The following MGAM variants were observed in gnomAD, a reference collection of about 807,000 sequenced individuals.
MGAM encodes alpha-1,4-glucosidase.
MGAM carries 253 observed loss-of-function variants against 358.8 expected under a neutral mutation model. That is an observed-to-expected ratio of 0.71 (90% CI 0.64 to 0.78). The LOEUF (loss-of-function observed/expected upper bound fraction) is 0.78, where lower values mean the gene tolerates loss of function less well. Ranked by LOEUF, MGAM falls within the 30% of genes least tolerant of loss-of-function variation. The probability of loss-of-function intolerance (pLI) is 0.00; values close to 1 mark genes in which losing one functional copy is unlikely to be tolerated. For synonymous variants in MGAM, 1,105 were observed against 1,227.1 expected (o/e 0.90, Z 2.08); for missense variants, 3,080 against 3,432.6 (o/e 0.90, Z 2.57).
At position 142,080,919 on chromosome 7, in the gene MGAM, T is replaced by C; in HGVS notation, c.5976T>C (p.Ile1992=). The C allele has an allele frequency of 6.4e-7, 1 of 1,555,980 alleles. No individual in the cohort carries two copies. The highest frequency in any genetic ancestry group is 2.3e-5 in the East Asian group (1 of 43,912). ...AGAAGAATCCATTTGGGATTGAAAT[T>C]CGCCGGAAGAGTACAGGCACTATAA... ...LIKKNPFGIE[I]RRKSTGTIIW... The change falls in exon 50 of 71, where the codon ATT becomes ATC. Residue 1992 remains isoleucine (I), a synonymous_variant. Coordinates refer to ENST00000475668, the MANE Select transcript of MGAM (RefSeq NM_001365693.1).
chr7:142,082,463 A>G lies in MGAM; in HGVS notation c.6172-12A>G. On this transcript the variant is annotated splice_polypyrimidine_tract_variant and intron_variant, in intron 51 of 70. Transcript: ENST00000475668. ...TTTTAAACTCCTACTGCTTCTCCCC[A>G]TGACTCTCCAGTACAAGAAGAATTC... is the stretch of plus-strand genomic sequence containing the variant. 6.7e-7 allele frequency: 1 copy of G among 1,497,082 alleles called. No homozygotes were observed. The highest frequency in any genetic ancestry group is 9.2e-7 in the Non-Finnish European group (1 of 1,092,174). 92.7% of individuals were successfully genotyped at this position (1,497,082 alleles called of 1,614,324 possible).
chr7:142,044,156 C>T lies in MGAM; in HGVS notation c.2498+3310C>T, dbSNP rs1373844599. 4.3e-5 allele frequency among the ~76,000 whole-genome samples: 6 copies of T among 140,550 alleles called. 2 individuals carry two copies. Among genetic ancestry groups the T allele is most frequent in the Admixed American group, 1.5e-4 (2 of 13,326 alleles). 92.2% of individuals were successfully genotyped at this position (140,550 alleles called of 152,430 possible). On this transcript the variant is annotated intron_variant, in intron 21 of 70. Coordinates refer to ENST00000475668, the MANE Select transcript of MGAM (RefSeq NM_001365693.1). ...ATATGTACATTATATACACATACGA[C>T]GTATAATATATACATTATATACACA... is the stretch of plus-strand genomic sequence containing the variant.
chr7:142,045,692 T>C (rs1810210551), intron 21 of MGAM, among the ~76,000 whole-genome samples: 1 of 102,250 alleles, frequency 9.8e-6, no homozygotes, highest in African/African-American at 3.8e-5. Context: ...ATTATATACA[T>C]ACAATATATG....
chr7:142,083,338 T>C lies in MGAM; in HGVS notation c.6306T>C (p.Arg2102=), dbSNP rs767580161. The C allele has an allele frequency of 4.5e-5, 70 of 1,554,340 alleles. 8 individuals carry two copies. Among genetic ancestry groups the C allele is most frequent in the African/African-American group, 2.3e-4 (17 of 74,504 alleles). The change falls in exon 53 of 71, where the codon CGT becomes CGC. Residue 2102 remains arginine, a synonymous_variant. Coordinates refer to ENST00000475668, the MANE Select transcript of MGAM (RefSeq NM_001365693.1). ...AGCCCCTGCCTGCCTTGACATACCG[T>C]ACCACAGGGGGAGTTCTGGACTTTT... The part of the protein sequence containing the change: ...TFQPLPALTY[R]TTGGVLDFYV...
chr7:142,056,659 G>A (rs531857403), intron 29 of MGAM, among the ~76,000 whole-genome samples, 171 bp from the exon 30 acceptor site: 1 of 152,288 alleles, frequency 6.6e-6, no homozygotes, highest in Non-Finnish European at 1.5e-5. Flanking sequence ...CCAGGAATGG[G>A]ACCTGTAGAC....
intron 7 of MGAM, among the ~76,000 whole-genome samples, chr7:142,024,643 A>G (rs1806786490): frequency 6.6e-6 from 1 of 152,190 alleles, no homozygotes; most frequent in Admixed American, 6.5e-5. Context: ...TGGAGTCTCA[A>G]AGACAAGCCT....
chr7:142,036,900 T>C lies in MGAM; in HGVS notation c.2154T>C (p.Thr718=). ...GGCACTACCTTAACATCCGCTATAC[T>C]CTATTGCCCTACCTATACACCCTCT... is the stretch of plus-strand genomic sequence containing the variant. ...SSRHYLNIRY[T]LLPYLYTLFF... The change falls in exon 18 of 71, where the codon ACT becomes ACC. Residue 718 remains threonine (T), a synonymous_variant. Transcript: ENST00000475668. 3.1e-6 allele frequency: 5 copies of C among 1,613,700 alleles called. No individual in the cohort carries two copies. Among genetic ancestry groups the C allele is most frequent in the Non-Finnish European group, 3.4e-6 (4 of 1,179,678 alleles).
At chr7:142,001,528 A>T (rs1804733062) in intron 1 of MGAM, among the ~76,000 whole-genome samples, 1 of 152,180 alleles carries the variant, frequency 6.6e-6, no homozygotes, top group Admixed American at 6.5e-5. Context: ...AGAGAGTATG[A>T]TTTACAAGGC....
rs569309419 is a variant in MGAM at position 142,058,526 on chromosome 7, C to T, written c.3819+198C>T. Among the ~76,000 whole-genome samples, 7 of 152,308 alleles carry T rather than the reference C, an allele frequency of 4.6e-5. No individual in the cohort carries two copies. In the South Asian group the frequency reaches 1.5e-3, roughly 32 times the overall value. ...TCTTCCAGAGATGACAGCTCAAGACCCAGCATGACTCGCCAGAGTGGGAGA... is the reference window on the plus strand; with the variant it reads ...TCTTCCAGAGATGACAGCTCAAGACTCAGCATGACTCGCCAGAGTGGGAGA... On this transcript the variant is annotated intron_variant, in intron 31 of 70. Transcript: ENST00000475668.
At chr7:142,005,767 G>A (rs972524112) in intron 2 of MGAM, 110 bp downstream of exon 2, 16 of 1,133,864 alleles carry the variant, frequency 1.4e-5, no homozygotes, top group South Asian at 7.5e-5. Context: ...TGTTTGTTGC[G>A]GGGGCTGTTA....
rs1416756135 is a variant in MGAM at position 142,079,202 on chromosome 7, GCTA to G, written c.5847+197_5847+199del. 1.4e-5 allele frequency among the ~76,000 whole-genome samples: 2 copies of G among 145,894 alleles called. 1 individual carries two copies. On this transcript the variant is annotated intron_variant, in intron 49 of 70. Coordinates refer to ENST00000475668, the MANE Select transcript of MGAM (RefSeq NM_001365693.1). ...TTTTCATTTGGAAAAGATTACTGTG[GCTA>G]CTGTTAGGAAAATGGTTGGGAGAGC...
rs1323370879 is a variant in MGAM at position 142,086,730 on chromosome 7, T to C, written c.6810+13T>C. 2.7e-6 allele frequency: 3 copies of C among 1,093,702 alleles called. 1 individual carries two copies. The highest frequency in any genetic ancestry group is 2.1e-5 in the Admixed American group (1 of 47,554). The allele number at this position is 1,093,702 out of a possible 1,614,324, so 67.7% of individuals were successfully genotyped here. On this transcript the variant is annotated intron_variant, in intron 57 of 70. Transcript: ENST00000475668. ...CAGTCAAGTGGAGGTAAAGGGTCTT[T>C]GTAAATTTGGGTGGAGTCAGGGTTT... is the stretch of plus-strand genomic sequence containing the variant.
Position 141,989,535 on chromosome 7 carries a change from C to T in MGAM, c.-2-15994C>T, listed in dbSNP as rs182042276. 2.2e-3 allele frequency among the ~76,000 whole-genome samples: 326 copies of T among 151,366 alleles called. 1 individual carries two copies. The highest frequency in any genetic ancestry group is 2.6e-3 in the Non-Finnish European group (179 of 67,872). On this transcript the variant is annotated intron_variant, in intron 2 of 5. Coordinates refer to the MGAM transcript ENST00000465654. Reference sequence around the variant, plus strand: ...AAGCCCAGGCTAGTTTGATTTGAAACTCCATGTTCTTCTTTCTTTTTTTTT... The same window carrying T: ...AAGCCCAGGCTAGTTTGATTTGAAATTCCATGTTCTTCTTTCTTTTTTTTT...
At position 142,093,673 on chromosome 7, in the gene MGAM, T is replaced by C. The variant is rs558462941; in HGVS notation, c.7172+123T>C. The C allele has an allele frequency of 6.3e-6, 7 of 1,107,972 alleles. No homozygotes were observed. In the African/African-American group the frequency reaches 9.0e-5, roughly 14 times the overall value. The allele number at this position is 1,107,972 out of a possible 1,614,324, so 68.6% of individuals were successfully genotyped here. A position where few individuals can be genotyped will look rare whatever the true frequency, so the allele number is the denominator to read the frequency against. On this transcript the variant is annotated intron_variant, in intron 60 of 70. Coordinates refer to ENST00000475668, the MANE Select transcript of MGAM (RefSeq NM_001365693.1). ...GTTAAGAAGATTCTCATGACAACTG[T>C]GTAATGATTCTTATTAGATAAACAC...
intron 21 of MGAM, among the ~76,000 whole-genome samples, chr7:142,044,891 T>G (rs1436297271): frequency 2.7e-5 from 2 of 73,356 alleles, no homozygotes; most frequent in Non-Finnish European, 5.3e-5. Flanking sequence ...CATACACGTG[T>G]AATATATGAT....
chr7:142,052,830 T>C lies in MGAM; in HGVS notation c.3005T>C (p.Leu1002Pro). 6.2e-7 allele frequency: 1 copy of C among 1,613,890 alleles called. No individual in the cohort carries two copies. The change falls in exon 26 of 71, where the codon CTA (leucine) becomes CCA (proline). Residue 1002 changes from leucine to proline, a missense_variant. Coordinates refer to ENST00000475668, the MANE Select transcript of MGAM (RefSeq NM_001365693.1). ...GVPFCYFVND[L>P]YSVSDVQYNS... ...CCTTTTTGCTATTTTGTCAACGACC[T>C]ATACTCTGTCAGTGATGTTCAGTAT...
chr7:142,030,570 C>A, intron 11 of MGAM, 71 bp from the exon 12 acceptor site: 1 of 1,605,346 alleles, frequency 6.2e-7, no homozygotes, highest in Non-Finnish European at 8.5e-7. Flanking sequence ...GCTTTCTCCC[C>A]CAGTTCCCAG....
chr7:142,045,139 T>C (rs1371244740), intron 21 of MGAM, among the ~76,000 whole-genome samples: 1 of 69,562 alleles, frequency 1.4e-5, no homozygotes, highest in Non-Finnish European at 3.0e-5. Context: ...ATATGTATAT[T>C]ATATATCATA....
chr7:141,999,075 A>G (rs1024716693), intron 1 of MGAM, among the ~76,000 whole-genome samples: 9 of 152,128 alleles, frequency 5.9e-5, no homozygotes, highest in African/African-American at 2.2e-4. Flanking sequence ...TGGGAACATA[A>G]GTCTCATGAC....
Sources: allele counts gnomAD v4.1 joint callset (sites outside exome capture counted in the v4.1 genomes callset), GRCh38; gene constraint gnomAD v4.1.1; transcripts MANE v1.5; gene names NCBI Gene and HGNC (gene_info 2026-07-23, HGNC 2026-07-21).